LIN28B: variants seen among roughly 807,000 people sequenced by gnomAD.
The protein encoded by LIN28B is protein lin-28 homolog B.
In LIN28B, 5 loss-of-function variants were observed where a neutral mutation model predicts 21.9. The ratio of observed to expected loss-of-function variants is 0.23; its 90% CI spans 0.12 to 0.48. LIN28B has a LOEUF of 0.48. LIN28B is among the 20% of genes least tolerant of loss of function. LIN28B has a pLI of 0.98. For missense variants in LIN28B, 245 were observed against 310.5 expected (o/e 0.79, Z 1.58); for synonymous variants, 109 against 111.3 (o/e 0.98, Z 0.13).
intron 1 of LIN28B, among the ~76,000 whole-genome samples, chr6:104,957,845 AGTACACG>A (rs1278082500): frequency 6.6e-6 from 1 of 152,026 alleles, no homozygotes; most frequent in African/African-American, 2.4e-5. Context: ...TAAATGAATA[AGTACACG>A]TATGTATAGA....
intron 2 of LIN28B, among the ~76,000 whole-genome samples, chr6:104,978,629 G>T (rs939781072): frequency 6.6e-6 from 1 of 151,722 alleles, no homozygotes; most frequent in Non-Finnish European, 1.5e-5. Flanking sequence ...GAGTGAGTCC[G>T]ATAAAAGGGG....
rs147575333 is a variant in LIN28B at position 104,994,597 on chromosome 6, T to C, written c.199-31701T>C. On this transcript the variant is annotated intron_variant, in intron 2 of 3. Transcript: ENST00000345080. Reference sequence around the variant, plus strand: ...AATCCCAAAAGGGGAGGTTTTTCATTTGTCAGGGTGTTAAAAATATTATGT... The same window carrying C: ...AATCCCAAAAGGGGAGGTTTTTCATCTGTCAGGGTGTTAAAAATATTATGT... 1.7e-4 allele frequency among the ~76,000 whole-genome samples: 26 copies of C among 152,340 alleles called. 1 individual carries two copies. In the East Asian group the frequency reaches 4.2e-3, roughly 25 times the overall value.
At chr6:105,076,991 A>G (rs1772439378) in intron 3 of LIN28B, among the ~76,000 whole-genome samples, 1 of 151,596 alleles carries the variant, frequency 6.6e-6, no homozygotes, top group Non-Finnish European at 1.5e-5. Flanking sequence ...GCACTTTGGG[A>G]GGAAGGGGCA....
intron 1 of LIN28B, 92 bp from the exon 2 acceptor site, chr6:104,958,007 C>A: frequency 1.1e-6 from 1 of 948,662 alleles, no homozygotes; most frequent in Non-Finnish European, 1.5e-6. Flanking sequence ...ACCCTTCCCC[C>A]CCAACCCCAG....
chr6:104,992,752 C>T (rs1406167398), intron 2 of LIN28B, among the ~76,000 whole-genome samples: 1 of 152,056 alleles, frequency 6.6e-6, no homozygotes, highest in Admixed American at 6.5e-5. Context: ...TCAAGTGGTC[C>T]TCCTACCTTG....
intron 2 of LIN28B, among the ~76,000 whole-genome samples, chr6:105,010,103 C>G (rs1472598235): frequency 6.6e-6 from 1 of 151,986 alleles, no homozygotes; most frequent in Non-Finnish European, 1.5e-5. Flanking sequence ...CTGAATACTT[C>G]ATAGCAGTAA....
chr6:105,017,755 GA>G (rs1255559454), intron 2 of LIN28B, among the ~76,000 whole-genome samples: 1 of 151,874 alleles, frequency 6.6e-6, no homozygotes, highest in Non-Finnish European at 1.5e-5. Context: ...AGGGGAGGGA[GA>G]GGGGCAAGGG....
chr6:105,002,417 C>T (rs1360710201), intron 2 of LIN28B, among the ~76,000 whole-genome samples: 1 of 152,106 alleles, frequency 6.6e-6, no homozygotes, highest in African/African-American at 2.4e-5. Context: ...TTTCAGTCCT[C>T]CTTTGCAGAC....
intron 3 of LIN28B, among the ~76,000 whole-genome samples, chr6:105,050,022 G>A (rs1312072694): frequency 1.3e-5 from 2 of 152,136 alleles, no homozygotes; most frequent in Non-Finnish European, 2.9e-5. Flanking sequence ...ATATTGTTAT[G>A]TGTGGTTTTG....
In LIN28B at chr6:104,972,161, G is replaced by A. The variant is rs148210177; in HGVS notation, c.198+13875G>A. On this transcript the variant is annotated intron_variant, in intron 2 of 3. Coordinates refer to ENST00000345080, the MANE Select transcript of LIN28B (RefSeq NM_001004317.4). Reference sequence around the variant, plus strand: ...GATTTTTGTATTTTTTAGTAGAGACGGGATTTCACCATGTTGGCCAGGCTG... The same window carrying A: ...GATTTTTGTATTTTTTAGTAGAGACAGGATTTCACCATGTTGGCCAGGCTG... Among the ~76,000 whole-genome samples the A allele has an allele frequency of 6.7e-3, 1,017 of 152,088 alleles. 7 individuals carry two copies. Among genetic ancestry groups the A allele is most frequent in the African/African-American group, 0.023 (940 of 41,486 alleles).
At chr6:105,031,580 C>T (rs1771425318) in intron 3 of LIN28B, among the ~76,000 whole-genome samples, 2 of 150,870 alleles carry the variant, frequency 1.3e-5, no homozygotes, top group Admixed American at 1.3e-4. Flanking sequence ...ATCGCCCAGG[C>T]TGGAGTGCAG....
At chr6:105,050,793 A>T (rs554635687) in intron 3 of LIN28B, among the ~76,000 whole-genome samples, 5 of 150,752 alleles carry the variant, frequency 3.3e-5, no homozygotes, top group South Asian at 2.1e-4. Context: ...TTTTCTTAAA[A>T]TTTTTTTTTC....
upstream of LIN28B, among the ~76,000 whole-genome samples, chr6:104,952,260 A>T (rs1365353847): frequency 6.6e-6 from 1 of 152,236 alleles, no homozygotes; most frequent in Non-Finnish European, 1.5e-5. Context: ...AAATTAGGAA[A>T]CATACATGTT....
At chr6:104,940,687 C>T (rs1329950472) in intron 2 of LIN28B, among the ~76,000 whole-genome samples, 1 of 150,588 alleles carries the variant, frequency 6.6e-6, no homozygotes, top group Admixed American at 6.6e-5. Context: ...CCGCGCCCCG[C>T]GCTCCCCCAC....
intron 2 of LIN28B, among the ~76,000 whole-genome samples, chr6:104,984,643 C>T (rs893562293): frequency 6.6e-6 from 1 of 152,032 alleles, no homozygotes; most frequent in Non-Finnish European, 1.5e-5. Flanking sequence ...ATTATGTTGA[C>T]CAGGCTGGTC....
chr6:104,946,184 G>A (rs1026756508), intron 2 of LIN28B, among the ~76,000 whole-genome samples: 6 of 151,692 alleles, frequency 4.0e-5, no homozygotes, highest in South Asian at 2.1e-4. Flanking sequence ...ATATTTCACC[G>A]AATGTGAAGC....
At chr6:104,977,167 T>C (rs1227145501) in intron 2 of LIN28B, among the ~76,000 whole-genome samples, 1 of 152,194 alleles carries the variant, frequency 6.6e-6, no homozygotes, top group Admixed American at 6.5e-5. Flanking sequence ...TGAATCCACT[T>C]TTAAAATCTT....
chr6:105,066,039 G>A (rs775996297), intron 3 of LIN28B, among the ~76,000 whole-genome samples: 20 of 152,090 alleles, frequency 1.3e-4, no homozygotes, highest in Admixed American at 1.3e-4. Context: ...AAGGCATGGC[G>A]GCACACACCT....
At chr6:105,055,949 A>G (rs1181806616) in intron 3 of LIN28B, among the ~76,000 whole-genome samples, 3 of 114,606 alleles carry the variant, frequency 2.6e-5, no homozygotes, top group African/African-American at 9.8e-5. Context: ...TTGGGTAGAG[A>G]CTGGATTTTG....
Sources: gnomAD v4.1 joint callset for allele counts (sites outside exome capture counted in the v4.1 genomes callset) on GRCh38, gnomAD v4.1.1 for gene constraint, MANE v1.5 for transcripts, NCBI Gene and HGNC (gene_info 2026-07-23, HGNC 2026-07-21) for gene names.